RIMS1: variants seen among roughly 807,000 people sequenced by gnomAD.
RIMS1 encodes regulating synaptic membrane exocytosis 1, also known as regulating synaptic membrane exocytosis protein 1.
RIMS1 carries 83 observed loss-of-function variants against 214.1 expected under a neutral mutation model. The ratio of observed to expected loss-of-function variants is 0.39; its 90% confidence interval spans 0.32 to 0.47. The LOEUF is 0.47. Ranked by LOEUF, RIMS1 falls within the 20% of genes least tolerant of loss-of-function variation. RIMS1 has a pLI of 0.99. For missense variants in RIMS1, 2,050 were observed against 2,161.8 expected, an observed-to-expected ratio of 0.95 and a Z score of 1.03; for synonymous variants, 793 against 786.8, an observed-to-expected ratio of 1.01 and a Z score of -0.13.
intron 6 of RIMS1, 89 bp downstream of exon 6, chr6:72,183,238 A>G (rs924202218): frequency 9.0e-6 from 12 of 1,337,926 alleles, no homozygotes; most frequent in African/African-American, 1.4e-5. Context: ...TGCTGGGTTC[A>G]GCATTGAGGC....
At chr6:71,954,997 C>A (rs1790796767) in intron 1 of RIMS1, among the ~76,000 whole-genome samples, 1 of 152,070 alleles carries the variant, frequency 6.6e-6, no homozygotes, top group Non-Finnish European at 1.5e-5. Flanking sequence ...TTGTGTCTGG[C>A]TTCTTTGCTC....
At chr6:71,992,344 G>C (rs1167397102) in intron 2 of RIMS1, among the ~76,000 whole-genome samples, 1 of 152,086 alleles carries the variant, frequency 6.6e-6, no homozygotes, top group East Asian at 1.9e-4. Context: ...CCTATCTGGA[G>C]AATATAGTTT....
At chr6:72,301,006 C>G (rs1286479871) in intron 26 of RIMS1, among the ~76,000 whole-genome samples, 1 of 151,688 alleles carries the variant, frequency 6.6e-6, no homozygotes, top group African/African-American at 2.4e-5. Flanking sequence ...GTCCGTAAGG[C>G]AATGTGGTAT....
At chr6:72,042,955 A>C (rs190640741) in intron 2 of RIMS1, among the ~76,000 whole-genome samples, 5 of 151,974 alleles carry the variant, frequency 3.3e-5, no homozygotes, top group South Asian at 2.1e-4. Flanking sequence ...AATGCTCAAA[A>C]GAAATATAAT....
At chr6:72,260,299 C>T (rs746233293) in intron 18 of RIMS1, among the ~76,000 whole-genome samples, 1 of 151,830 alleles carries the variant, frequency 6.6e-6, no homozygotes, top group Non-Finnish European at 1.5e-5. Flanking sequence ...GCCAAGAAAA[C>T]TATCACGCTT....
chr6:72,212,724 A>G, intron 6 of RIMS1: 3 of 725,750 alleles, frequency 4.1e-6, no homozygotes, highest in Admixed American at 6.2e-5. Context: ...AATGGCTAGG[A>G]GCATAGTGTC....
chr6:71,947,720 G>T (rs1038410722), intron 1 of RIMS1, among the ~76,000 whole-genome samples: 8 of 152,024 alleles, frequency 5.3e-5, no homozygotes, highest in African/African-American at 1.9e-4. Flanking sequence ...AAAACAATAA[G>T]TATTTTAGGA....
rs201129371 is a variant in RIMS1 at position 72,063,922 on chromosome 6, CTA to C, written c.246-33025_246-33024del. Among the ~76,000 whole-genome samples, 241 of 152,308 alleles carry C rather than the reference CTA, an allele frequency of 1.6e-3. 6 individuals are homozygous for C. The East Asian group carries it at 0.044, about 28-fold the overall frequency. Reference sequence around the variant, plus strand: ...TGAGGCCTCATTGGCTTGTAGATCACTATCTTTTCCCTGTGTTCTCACATCAT... The same window carrying C: ...TGAGGCCTCATTGGCTTGTAGATCACTCTTTTCCCTGTGTTCTCACATCAT... On this transcript the variant is annotated intron_variant, in intron 2 of 33. Coordinates refer to ENST00000521978, the MANE Select transcript of RIMS1 (RefSeq NM_014989.7).
chr6:72,307,851 A>C (rs1014334774), intron 27 of RIMS1, among the ~76,000 whole-genome samples: 10 of 152,174 alleles, frequency 6.6e-5, no homozygotes, highest in Non-Finnish European at 1.3e-4. Context: ...TTTTCGTGTG[A>C]TATAACTTCA....
chr6:72,148,450 G>A (rs1056636431), intron 4 of RIMS1, among the ~76,000 whole-genome samples: 10 of 152,194 alleles, frequency 6.6e-5, no homozygotes, highest in African/African-American at 2.4e-4. Context: ...GACCTTGGCA[G>A]TGCCATCCAT....
At chr6:72,376,491 T>C (rs2098383523) in intron 29 of RIMS1, among the ~76,000 whole-genome samples, 1 of 152,134 alleles carries the variant, frequency 6.6e-6, no homozygotes, top group African/African-American at 2.4e-5. Flanking sequence ...CCGTGGCTCA[T>C]TCCTGTAATC....
intron 4 of RIMS1, among the ~76,000 whole-genome samples, chr6:72,155,105 G>T (rs1319576395): frequency 7.1e-6 from 1 of 140,358 alleles, no homozygotes; most frequent in Non-Finnish European, 1.6e-5. Context: ...CTTGCATAGA[G>T]AGCTGGCTGG....
At chr6:72,263,388 G>A (rs1184755076) in intron 19 of RIMS1, 1 of 982,244 alleles carries the variant, frequency 1.0e-6, no homozygotes, top group Non-Finnish European at 1.2e-6. Flanking sequence ...CCTGTTAAGT[G>A]GAAGTTATTT....
intron 28 of RIMS1, among the ~76,000 whole-genome samples, chr6:72,314,254 T>C (rs936180668): frequency 1.3e-5 from 2 of 152,190 alleles, no homozygotes; most frequent in Admixed American, 6.5e-5. Flanking sequence ...CTAAAGCAGA[T>C]TGATTATGGA....
chr6:72,055,637 A>G (rs535693432), intron 2 of RIMS1, among the ~76,000 whole-genome samples: 4 of 152,174 alleles, frequency 2.6e-5, no homozygotes, highest in African/African-American at 4.8e-5. Flanking sequence ...GATGTTGGCC[A>G]TGGGTTTTTC....
intron 27 of RIMS1, among the ~76,000 whole-genome samples, chr6:72,310,010 C>G (rs1030516983): frequency 6.6e-6 from 1 of 151,900 alleles, no homozygotes; most frequent in Admixed American, 6.6e-5. Context: ...TTATAAAGAT[C>G]TATTTTTATG....
intron 29 of RIMS1, among the ~76,000 whole-genome samples, chr6:72,364,719 G>A (rs1455587094): frequency 6.6e-6 from 1 of 152,162 alleles, no homozygotes; most frequent in African/African-American, 2.4e-5. Flanking sequence ...AATGAGACAG[G>A]GAAAGGAAGT....
chr6:72,248,778 T>C (rs1053068885), intron 12 of RIMS1, among the ~76,000 whole-genome samples: 1 of 152,218 alleles, frequency 6.6e-6, no homozygotes, highest in African/African-American at 2.4e-5. Flanking sequence ...TCTGATAATG[T>C]GTGGATTTCT....
chr6:72,001,151 C>T (rs576447896), intron 2 of RIMS1, among the ~76,000 whole-genome samples: 1 of 152,262 alleles, frequency 6.6e-6, no homozygotes, highest in Admixed American at 6.5e-5. Context: ...ACTTGATCTC[C>T]TTAGCATACT....
Sources: gnomAD v4.1 joint callset for allele counts (sites outside exome capture counted in the v4.1 genomes callset) on GRCh38, gnomAD v4.1.1 for gene constraint, MANE v1.5 for transcripts, NCBI Gene and HGNC (gene_info 2026-07-23, HGNC 2026-07-21) for gene names.